The following ZNF766 variants were observed in gnomAD, a reference collection of about 807,000 sequenced individuals.
ZNF766 encodes zinc finger protein 766.
In ZNF766, 13 loss-of-function variants were observed where a neutral mutation model predicts 13.2. That is an observed-to-expected ratio of 0.98 (90% CI 0.64 to 1.56). The LOEUF is 1.56. Ranked by LOEUF, ZNF766 falls within the 40% of genes most tolerant of loss-of-function variation. The pLI is 0.00. For synonymous variants in ZNF766, 178 were observed against 187.6 expected, an observed-to-expected ratio of 0.95 and a Z score of 0.42; for missense variants, 521 against 552.2, an observed-to-expected ratio of 0.94 and a Z score of 0.57.
In ZNF766 at chr19:52,294,860, G is replaced by C. The variant is rs1006212181; in HGVS notation, c.*3662G>C. The C allele has an allele frequency of 1.3e-5, 2 of 152,096 alleles. No homozygotes were observed. Among genetic ancestry groups the C allele is most frequent in the Non-Finnish European group, 2.9e-5 (2 of 67,994 alleles). The allele number at this position is 152,096 out of a possible 1,614,324, so 9.4% of individuals were successfully genotyped here. On this transcript the variant is annotated 3_prime_UTR_variant, in exon 4 of 4. Coordinates refer to ENST00000439461, the MANE Select transcript of ZNF766 (RefSeq NM_001010851.3). Reference sequence around the variant, plus strand: ...CACAATATGATTGTTGAAAACACTTGTGAAATTTTTTTAGTAAAATTGCCT... The same window carrying C: ...CACAATATGATTGTTGAAAACACTTCTGAAATTTTTTTAGTAAAATTGCCT...
At chr19:52,283,166 T>C in intron 2 of ZNF766, 119 bp from the exon 3 acceptor site, 1 of 1,279,978 alleles carries the variant, frequency 7.8e-7, no homozygotes, top group Non-Finnish European at 1.0e-6. Context: ...GACTTTTTCA[T>C]GATCGCCATT....
rs1982201536 is a variant in ZNF766, at chr19:52,292,621, G to A, written c.*1423G>A. 6.4e-6 allele frequency: 1 copy of A among 156,114 alleles called. No homozygotes were observed. Among genetic ancestry groups the A allele is most frequent in the African/African-American group, 2.4e-5 (1 of 41,600 alleles). 9.7% of individuals were successfully genotyped at this position (156,114 alleles called of 1,614,324 possible). A position where few individuals can be genotyped will look rare whatever the true frequency, so the allele number is the denominator to read the frequency against. On this transcript the variant is annotated 3_prime_UTR_variant, in exon 4 of 4. Coordinates refer to ENST00000439461, the MANE Select transcript of ZNF766 (RefSeq NM_001010851.3). The stretch of plus-strand genomic sequence containing the variant: ...AGAGAGTTTAATCAAAACTACCAGT[G>A]GAACATGTTCTTGAGTAGGATTCAC...
Position 52,291,035 on chromosome 19 carries a change from AGT to A in ZNF766, c.1248_1249del (p.Cys416TrpfsTer30), listed in dbSNP as rs1982117554. The stretch of plus-strand genomic sequence containing the variant: ...GGAGAGAAACCTTACAAATGTAATG[AGT>A]GTGGCAAAGTCTTCACTCAGAATTC... On this transcript the variant is annotated frameshift_variant, in exon 4 of 4. Transcript: ENST00000439461. LOFTEE classifies it low-confidence loss of function (END_TRUNC). 1 of 1,614,046 alleles carries A rather than the reference AGT, an allele frequency of 6.2e-7. No homozygotes were observed. Among genetic ancestry groups the A allele is most frequent in the Admixed American group, 1.7e-5 (1 of 60,002 alleles).
At chr19:52,278,063 C>T (rs1305398909) in intron 1 of ZNF766, among the ~76,000 whole-genome samples, 1 of 150,986 alleles carries the variant, frequency 6.6e-6, no homozygotes, top group Non-Finnish European at 1.5e-5. Flanking sequence ...ACCTCTACCT[C>T]CCAGGCTCAA....
chr19:52,280,042 C>T (rs921975308), intron 1 of ZNF766, among the ~76,000 whole-genome samples: 85 of 152,000 alleles, frequency 5.6e-4, no homozygotes, highest in East Asian at 7.7e-4. Flanking sequence ...GTGATCCGCC[C>T]GCCTCAGCCT....
In ZNF766 at chr19:52,291,408, T is replaced by G. The variant is rs527492961; in HGVS notation, c.*210T>G. 1 of 548,622 alleles carries G rather than the reference T, an allele frequency of 1.8e-6. No individual in the cohort carries two copies. The highest frequency in any genetic ancestry group is 1.9e-5 in the African/African-American group (1 of 53,082). The allele number at this position is 548,622 out of a possible 1,614,324, so 34.0% of individuals were successfully genotyped here. On this transcript the variant is annotated 3_prime_UTR_variant, in exon 4 of 4. Transcript: ENST00000439461. The stretch of plus-strand genomic sequence containing the variant: ...TCAAAATATGTTGAACCTAATGATA[T>G]GATGTGTATAAAGGGTGCAAGGACA...
chr19:52,280,819 A>G (rs1981474527), intron 1 of ZNF766, among the ~76,000 whole-genome samples: 1 of 151,162 alleles, frequency 6.6e-6, no homozygotes, highest in Non-Finnish European at 1.5e-5. Context: ...TGACCCCATG[A>G]TCCACCTGCC....
intron 1 of ZNF766, chr19:52,277,192 G>A: frequency 1.7e-6 from 2 of 1,183,464 alleles, no homozygotes; most frequent in Non-Finnish European, 2.1e-6. Context: ...GGGCGCGGGG[G>A]CTCATACCTG....
intron 2 of ZNF766, chr19:52,282,692 T>A (rs2560904): frequency 0.39 from 60,473 of 153,914 alleles, 12,595 homozygotes; most frequent in African/African-American, 0.52. Flanking sequence ...TGCTTTCTGG[T>A]CTTGAAATTC....
In ZNF766 at chr19:52,290,483, C is replaced by G. The variant is rs367553361; in HGVS notation, c.692C>G (p.Ala231Gly). ...ACCGTCAGGGACAAGTCAGGCCTCGCAGAACATTGGAGAATTCGTACAGGA... is the reference window on the plus strand; with the variant it reads ...ACCGTCAGGGACAAGTCAGGCCTCGGAGAACATTGGAGAATTCGTACAGGA... ...GKTVRDKSGLAEHWRIRTGEK... is the reference protein window; with the variant it reads ...GKTVRDKSGLGEHWRIRTGEK... The change falls in exon 4 of 4, where the codon GCA becomes GGA. Residue 231 changes from alanine (A) to glycine (G), a missense_variant. Coordinates refer to ENST00000439461, the MANE Select transcript of ZNF766 (RefSeq NM_001010851.3). The G allele has an allele frequency of 1.3e-4, 207 of 1,613,842 alleles. No individual in the cohort carries two copies. Among genetic ancestry groups the G allele is most frequent in the Non-Finnish European group, 1.7e-4 (199 of 1,179,926 alleles).
rs1216134525 is a variant in ZNF766 at position 52,290,861 on chromosome 19, G to A, written c.1070G>A (p.Cys357Tyr). Residue 357 changes from cysteine to tyrosine, a missense_variant, in exon 4 of 4, where the codon TGT becomes TAT. Physicochemically the swap from Cys to Tyr is radical, Grantham distance 194 (BLOSUM62 -2). Coordinates refer to ENST00000439461, the MANE Select transcript of ZNF766 (RefSeq NM_001010851.3). ...LIHTGEKPYKCKECDKAFRHK... is the reference protein window; with the variant it reads ...LIHTGEKPYKYKECDKAFRHK... ...CACACTGGAGAGAAACCTTACAAAT[G>A]TAAAGAATGTGACAAAGCTTTTAGG... is the stretch of plus-strand genomic sequence containing the variant. 1 of 1,614,102 alleles carries A rather than the reference G, an allele frequency of 6.2e-7. No homozygotes were observed. Among genetic ancestry groups the A allele is most frequent in the Non-Finnish European group, 8.5e-7 (1 of 1,179,990 alleles).
chr19:52,283,625 TA>T (rs1357991398), intron 3 of ZNF766, among the ~76,000 whole-genome samples: 2 of 152,214 alleles, frequency 1.3e-5, no homozygotes, highest in Non-Finnish European at 2.9e-5. Context: ...AAATCGTGTT[TA>T]TAAGTGGGAG....
chr19:52,287,301 C>T (rs1052627165), intron 3 of ZNF766, among the ~76,000 whole-genome samples: 5 of 152,132 alleles, frequency 3.3e-5, no homozygotes, highest in African/African-American at 1.2e-4. Flanking sequence ...TGCCACTACG[C>T]CTAGCTAATT....
At chr19:52,279,785 T>TTTTC (rs1472310623) in intron 1 of ZNF766, among the ~76,000 whole-genome samples, 1 of 136,676 alleles carries the variant, frequency 7.3e-6, no homozygotes. Context: ...ATGATTTACC[T>TTTTC]TTTCTTTTTT....
rs370207848 is a variant in ZNF766, at chr19:52,290,770, T to C, written c.979T>C (p.Tyr327His). The change falls in exon 4 of 4, where the codon TAC (tyrosine) becomes CAC (histidine). Residue 327 changes from tyrosine to histidine, a missense_variant. Tyr to His is a moderately conservative substitution (Grantham distance 83, BLOSUM62 2). Coordinates refer to ENST00000439461, the MANE Select transcript of ZNF766 (RefSeq NM_001010851.3). Reference protein sequence around the residue: ...HWRIHTGEKLYKCNKCGKEFS... With the variant: ...HWRIHTGEKLHKCNKCGKEFS... ...GAGAATTCATACAGGAGAGAAACTTTACAAATGTAATAAATGTGGCAAAGA... is the reference window on the plus strand; with the variant it reads ...GAGAATTCATACAGGAGAGAAACTTCACAAATGTAATAAATGTGGCAAAGA... The C allele has an allele frequency of 6.2e-7, 1 of 1,613,920 alleles. No homozygotes were observed. The highest frequency in any genetic ancestry group is 8.5e-7 in the Non-Finnish European group (1 of 1,179,898).
In ZNF766 at chr19:52,295,956, A is replaced by G. The variant is rs1460726130; in HGVS notation, c.*4758A>G. ...AGTATCTACGAAGTGCCTTGATAGT[A>G]AATATATTAACCCTGTGTATCAATT... On this transcript the variant is annotated 3_prime_UTR_variant, in exon 4 of 4. Coordinates refer to ENST00000439461, the MANE Select transcript of ZNF766 (RefSeq NM_001010851.3). 6.6e-6 allele frequency: 1 copy of G among 152,080 alleles called. No individual in the cohort carries two copies. Among genetic ancestry groups the G allele is most frequent in the African/African-American group, 2.4e-5 (1 of 41,406 alleles). 9.4% of individuals were successfully genotyped at this position (152,080 alleles called of 1,614,324 possible).
At chr19:52,283,064 G>A (rs550076790) in intron 2 of ZNF766, among the ~76,000 whole-genome samples, 3 of 152,276 alleles carry the variant, frequency 2.0e-5, no homozygotes, top group South Asian at 4.1e-4. Flanking sequence ...TCGCCGCACT[G>A]TCTTCCACAT....
rs1982071714 is a variant in ZNF766, at chr19:52,290,443, C to G, written c.652C>G (p.His218Asp). 6.2e-7 allele frequency: 1 copy of G among 1,613,746 alleles called. No homozygotes were observed. Among genetic ancestry groups the G allele is most frequent in the Non-Finnish European group, 8.5e-7 (1 of 1,179,972 alleles). The change falls in exon 4 of 4, where the codon CAT becomes GAT. Residue 218 changes from histidine to aspartate, a missense_variant. His to Asp is a moderately conservative substitution (Grantham distance 81). Coordinates refer to ENST00000439461, the MANE Select transcript of ZNF766 (RefSeq NM_001010851.3). ...IHTADKPNRCHECGKTVRDKS... is the reference protein window; with the variant it reads ...IHTADKPNRCDECGKTVRDKS... ...CACTGCAGATAAACCTAACAGATGTCATGAATGTGGTAAAACCGTCAGGGA... is the reference window on the plus strand; with the variant it reads ...CACTGCAGATAAACCTAACAGATGTGATGAATGTGGTAAAACCGTCAGGGA...
At position 52,295,582 on chromosome 19, in the gene ZNF766, CAA is replaced by C. The variant is rs1227499923; in HGVS notation, c.*4385_*4386del. 4 of 152,048 alleles carry C rather than the reference CAA, an allele frequency of 2.6e-5. No homozygotes were observed. Among genetic ancestry groups the C allele is most frequent in the South Asian group, 2.1e-4 (1 of 4,830 alleles). The allele number at this position is 152,048 out of a possible 1,614,324, so 9.4% of individuals were successfully genotyped here. ...GTTGTTTGGAGACAATATTTTTTGA[CAA>C]GAGTATGCACAAGACAATGGCAGGT... On this transcript the variant is annotated 3_prime_UTR_variant, in exon 4 of 4. Transcript: ENST00000439461.
Sources: gnomAD v4.1 joint callset for allele counts (sites outside exome capture counted in the v4.1 genomes callset) on GRCh38, gnomAD v4.1.1 for gene constraint, MANE v1.5 for transcripts, NCBI Gene and HGNC (gene_info 2026-07-23, HGNC 2026-07-21) for gene names.